DACH2: variants seen among roughly 807,000 people sequenced by gnomAD.
DACH2 encodes dachshund family transcription factor 2.
Under a neutral mutation model 35.8 loss-of-function variants are expected in DACH2, and 17 were observed. The ratio of observed to expected loss-of-function variants is 0.48; its 90% CI spans 0.33 to 0.71. DACH2 has a LOEUF of 0.71. Ranked by LOEUF, DACH2 falls within the 30% of genes least tolerant of loss-of-function variation. The probability of loss-of-function intolerance (pLI) is 0.02; values close to 1 mark genes in which losing one functional copy is unlikely to be tolerated. For missense variants in DACH2, 469 were observed against 472.7 expected (o/e 0.99, Z 0.07); for synonymous variants, 195 against 177.3 (o/e 1.10, Z -0.79).
At chrX:86,393,698 G>A (rs1242186111) in intron 2 of DACH2, among the ~76,000 whole-genome samples, 4 of 111,271 alleles carry the variant, frequency 3.6e-5, no homozygotes, top group African/African-American at 1.3e-4. Context: ...TCAGATAATG[G>A]GAATCTATTT....
intron 2 of DACH2, among the ~76,000 whole-genome samples, chrX:86,499,694 A>T (rs1192205431): frequency 8.9e-6 from 1 of 111,982 alleles, no homozygotes; most frequent in African/African-American, 3.2e-5. Flanking sequence ...CCAAAATCAG[A>T]TACATTATCA....
At chrX:86,462,539 A>G (rs1457941904) in intron 2 of DACH2, among the ~76,000 whole-genome samples, 1 of 111,555 alleles carries the variant, frequency 9.0e-6, no homozygotes, top group Non-Finnish European at 1.9e-5. Flanking sequence ...TCCTTTTTGC[A>G]AATAATTGCA....
intron 7 of DACH2, among the ~76,000 whole-genome samples, chrX:86,747,883 T>G (rs2041730289): frequency 8.9e-6 from 1 of 112,276 alleles, no homozygotes; most frequent in African/African-American, 3.2e-5. Flanking sequence ...TCTTTCAAAA[T>G]TTGAGACAAT....
At chrX:86,741,916 T>G (rs771759474) in intron 7 of DACH2, among the ~76,000 whole-genome samples, 13 of 111,187 alleles carry the variant, frequency 1.2e-4, no homozygotes, top group Admixed American at 6.8e-4. Context: ...GATCACCAGA[T>G]AGTTTATTTG....
chrX:86,546,390 T>TTCTTCTTCTTCTTCTTCTTCA (rs2038964308), intron 3 of DACH2, among the ~76,000 whole-genome samples: 1 of 81,582 alleles, frequency 1.2e-5, no homozygotes, highest in Non-Finnish European at 2.2e-5. Context: ...CTTCTTCTTC[T>TTCTTCTTCTTCTTCTTCTTCA]TCTTCTTCTT....
chrX:86,407,737 G>A (rs2036548093), intron 2 of DACH2, among the ~76,000 whole-genome samples: 1 of 111,742 alleles, frequency 8.9e-6, no homozygotes, highest in Non-Finnish European at 1.9e-5. Flanking sequence ...CATGTGAGAA[G>A]GATAGGCAGA....
intron 7 of DACH2, among the ~76,000 whole-genome samples, chrX:86,795,081 T>G (rs5969002): frequency 1.5e-4 from 17 of 110,252 alleles, no homozygotes; most frequent in Non-Finnish European, 3.2e-4. Flanking sequence ...TGGAAAAATG[T>G]CTAATGGGAA....
chrX:86,441,789 C>A (rs768068220), intron 2 of DACH2, among the ~76,000 whole-genome samples: 10 of 107,676 alleles, frequency 9.3e-5, no homozygotes, highest in African/African-American at 3.4e-4. Flanking sequence ...TCTTTTTTCA[C>A]ATCTACAGCA....
chrX:86,734,307 A>G (rs1473162491), intron 6 of DACH2, among the ~76,000 whole-genome samples: 1 of 110,758 alleles, frequency 9.0e-6, no homozygotes, highest in Non-Finnish European at 1.9e-5. Flanking sequence ...TATGCATAAT[A>G]TTATATTATC....
intron 3 of DACH2, among the ~76,000 whole-genome samples, chrX:86,605,307 G>A (rs1271469621): frequency 2.7e-5 from 3 of 110,714 alleles, no homozygotes; most frequent in Non-Finnish European, 5.7e-5. Context: ...TTTTAGTGCT[G>A]GTCTGCTGGT....
intron 1 of DACH2, among the ~76,000 whole-genome samples, chrX:86,374,515 A>G (rs1170599243): frequency 9.0e-6 from 1 of 110,726 alleles, no homozygotes; most frequent in Non-Finnish European, 1.9e-5. Context: ...GCTTACCACC[A>G]TATGTTGTAA....
chrX:86,318,729 G>T (rs1160298040), intron 1 of DACH2, among the ~76,000 whole-genome samples: 1 of 111,348 alleles, frequency 9.0e-6, no homozygotes, highest in Non-Finnish European at 1.9e-5. Flanking sequence ...GGATGCTCCA[G>T]GGGCCCTCTG....
intron 2 of DACH2, among the ~76,000 whole-genome samples, chrX:86,413,059 C>T (rs754537098): frequency 5.4e-5 from 6 of 111,344 alleles, no homozygotes; most frequent in African/African-American, 6.5e-5. Context: ...CTCGACAGGC[C>T]CCATACCCCA....
At chrX:86,393,353 G>A (rs763137701) in intron 2 of DACH2, among the ~76,000 whole-genome samples, 17 of 111,811 alleles carry the variant, frequency 1.5e-4, no homozygotes, top group Admixed American at 8.6e-4. Flanking sequence ...TTGATTACGT[G>A]AGTCATGCTT....
At chrX:86,574,726 T>C (rs1427487840) in intron 3 of DACH2, among the ~76,000 whole-genome samples, 2 of 111,746 alleles carry the variant, frequency 1.8e-5, no homozygotes, top group Non-Finnish European at 3.8e-5. Flanking sequence ...TCAAAGCAAG[T>C]TGGGAAATCT....
intron 2 of DACH2, among the ~76,000 whole-genome samples, chrX:86,501,719 A>T (rs1307021773): frequency 9.0e-6 from 1 of 111,478 alleles, no homozygotes; most frequent in Non-Finnish European, 1.9e-5. Flanking sequence ...ATAGAAAACT[A>T]AAGGAAAACA....
Position 86,238,325 on chromosome X carries a change from T to A in DACH2, c.488+89217T>A, listed in dbSNP as rs1192696964. The stretch of plus-strand genomic sequence containing the variant: ...TTTAAATAGTGGCATTGTTCTTGAT[T>A]TTGTTTTGTGCTAACCAACTTTTAT... On this transcript the variant is annotated intron_variant, in intron 1 of 11. Transcript: ENST00000373125. 3.6e-5 allele frequency among the ~76,000 whole-genome samples: 4 copies of A among 111,874 alleles called. No homozygotes were observed. The East Asian group carries it at 1.1e-3, about 32-fold the overall frequency.
rs2041826530 is a variant in DACH2 at position 86,756,118 on chromosome X, C to T, written c.1240+16236C>T. On this transcript the variant is annotated intron_variant, in intron 7 of 11. Transcript: ENST00000373125. ...TTGTGTCTAATTTTTATACCAAATA[C>T]CATGCTGTTTTGGCTACTATAGCCT... Among the ~76,000 whole-genome samples, 3 of 111,206 alleles carry T rather than the reference C, an allele frequency of 2.7e-5. No individual in the cohort carries two copies. In the South Asian group the frequency reaches 1.1e-3, roughly 42 times the overall value.
intron 9 of DACH2, among the ~76,000 whole-genome samples, 166 bp from the exon 10 acceptor site, chrX:86,814,522 A>G (rs1413729668): frequency 2.7e-5 from 3 of 112,047 alleles, no homozygotes; most frequent in African/African-American, 9.7e-5. Flanking sequence ...AGCACTCCTT[A>G]GATGACCCTA....
Sources: gnomAD v4.1 joint callset for allele counts (sites outside exome capture counted in the v4.1 genomes callset) on GRCh38, gnomAD v4.1.1 for gene constraint, MANE v1.5 for transcripts, NCBI Gene and HGNC (gene_info 2026-07-23, HGNC 2026-07-21) for gene names.